SGCZ: variants seen among roughly 807,000 people sequenced by gnomAD.
SGCZ encodes sarcoglycan zeta.
Under a neutral mutation model 41.3 loss-of-function variants are expected in SGCZ, and 40 were observed. The ratio of observed to expected loss-of-function variants is 0.97; its 90% confidence interval spans 0.75 to 1.26. The LOEUF (loss-of-function observed/expected upper bound fraction) is 1.26. Ranked by LOEUF, SGCZ falls within the 50% of genes most tolerant of loss-of-function variation. SGCZ has a pLI of 0.00. For synonymous variants in SGCZ, 206 were observed against 137.5 expected (o/e 1.50, Z -3.49); for missense variants, 552 against 369.8 (o/e 1.49, Z -4.04).
intron 2 of SGCZ, among the ~76,000 whole-genome samples, chr8:14,349,724 A>G (rs1348795762): frequency 6.6e-6 from 1 of 152,148 alleles, no homozygotes; most frequent in Non-Finnish European, 1.5e-5. Context: ...GCTGTGTTAA[A>G]TCTTTGAAAT....
At chr8:14,504,361 C>G (rs2117059018) in intron 2 of SGCZ, among the ~76,000 whole-genome samples, 1 of 152,294 alleles carries the variant, frequency 6.6e-6, no homozygotes, top group African/African-American at 2.4e-5. Flanking sequence ...GATTAGTTAT[C>G]TGCTCCAAAT....
chr8:14,595,400 A>ACACAC (rs1554459945), intron 1 of SGCZ, among the ~76,000 whole-genome samples: 2 of 136,316 alleles, frequency 1.5e-5, no homozygotes, highest in African/African-American at 2.8e-5. Flanking sequence ...AACATGCACA[A>ACACAC]ACACACACAC....
intron 5 of SGCZ, among the ~76,000 whole-genome samples, chr8:14,113,824 G>A: frequency 6.6e-6 from 1 of 152,014 alleles, no homozygotes; most frequent in East Asian, 1.9e-4. Flanking sequence ...AGGATTTACT[G>A]CTTAGCAGTT....
At chr8:14,280,709 T>C (rs1800396645) in intron 3 of SGCZ, among the ~76,000 whole-genome samples, 1 of 151,714 alleles carries the variant, frequency 6.6e-6, no homozygotes. Flanking sequence ...TTTTGGAAAA[T>C]TGACTTTGGA....
intron 3 of SGCZ, among the ~76,000 whole-genome samples, chr8:14,287,261 TTAAAC>T (rs1304518782): frequency 1.3e-5 from 2 of 151,668 alleles, no homozygotes; most frequent in Admixed American, 6.6e-5. Flanking sequence ...ATCAAAAAAA[TTAAAC>T]TAGGAAAAAA....
At chr8:15,129,703 T>C (rs1343252344) in intron 1 of SGCZ, among the ~76,000 whole-genome samples, 2 of 32,780 alleles carry the variant, frequency 6.1e-5, no homozygotes, top group African/African-American at 1.5e-4. Context: ...CAGAGAAGCA[T>C]TTGCAAAAAA....
At chr8:14,252,975 A>T (rs1317764079) in intron 3 of SGCZ, among the ~76,000 whole-genome samples, 1 of 152,190 alleles carries the variant, frequency 6.6e-6, no homozygotes, top group East Asian at 1.9e-4. Context: ...GTGGGATTTT[A>T]TTTCAGAACA....
At chr8:14,306,228 T>C (rs1365654) in intron 3 of SGCZ, among the ~76,000 whole-genome samples, 5,334 of 152,282 alleles carry the variant, frequency 0.035, 141 homozygotes, top group Admixed American at 0.072. Flanking sequence ...AATCTCACCA[T>C]GATTAAAGCA....
At chr8:14,329,701 T>C (rs1802246065) in intron 2 of SGCZ, among the ~76,000 whole-genome samples, 1 of 152,178 alleles carries the variant, frequency 6.6e-6, no homozygotes, top group Non-Finnish European at 1.5e-5. Context: ...CATATTCTTG[T>C]TTAGGGGAAA....
At chr8:14,237,110 T>G (rs1190836934) in intron 4 of SGCZ, among the ~76,000 whole-genome samples, 2 of 152,214 alleles carry the variant, frequency 1.3e-5, no homozygotes, top group Admixed American at 1.3e-4. Context: ...TGTTATCTCA[T>G]GTTTCCTTAA....
At chr8:15,000,285 T>C (rs1165245820) in intron 1 of SGCZ, among the ~76,000 whole-genome samples, 2 of 152,176 alleles carry the variant, frequency 1.3e-5, no homozygotes, top group Non-Finnish European at 2.9e-5. Flanking sequence ...CTACTCAGTC[T>C]TTGTTTCTTT....
intron 1 of SGCZ, among the ~76,000 whole-genome samples, chr8:15,020,178 G>A (rs1803197779): frequency 6.6e-6 from 1 of 152,076 alleles, no homozygotes; most frequent in Non-Finnish European, 1.5e-5. Flanking sequence ...ACTGAGTCAT[G>A]CTACCCCAAA....
chr8:14,967,763 T>C (rs1164578579), intron 1 of SGCZ, among the ~76,000 whole-genome samples: 1 of 152,172 alleles, frequency 6.6e-6, no homozygotes, highest in Non-Finnish European at 1.5e-5. Context: ...TATTTCCATT[T>C]ACTAGAACAG....
chr8:14,584,545 G>A (rs1255700617), intron 1 of SGCZ, among the ~76,000 whole-genome samples: 3 of 152,098 alleles, frequency 2.0e-5, no homozygotes, highest in Admixed American at 6.6e-5. Context: ...GATGAGAAAC[G>A]TGACATGAGG....
chr8:14,383,666 G>C (rs538151897), intron 2 of SGCZ, among the ~76,000 whole-genome samples: 1 of 152,292 alleles, frequency 6.6e-6, no homozygotes, highest in Admixed American at 6.5e-5. Flanking sequence ...ACAAAAAAAT[G>C]TGCTGCAGGT....
At chr8:14,158,796 T>C (rs1374979508) in intron 5 of SGCZ, among the ~76,000 whole-genome samples, 2 of 151,976 alleles carry the variant, frequency 1.3e-5, no homozygotes, top group Non-Finnish European at 2.9e-5. Flanking sequence ...TGAGATGGAG[T>C]CTCAATCTGT....
At chr8:14,453,321 T>C (rs1800651507) in intron 2 of SGCZ, among the ~76,000 whole-genome samples, 1 of 152,160 alleles carries the variant, frequency 6.6e-6, no homozygotes, top group Non-Finnish European at 1.5e-5. Flanking sequence ...TTAAAGTCAA[T>C]AATTTCTTTT....
chr8:14,608,036 G>C (rs1379884432), intron 1 of SGCZ, among the ~76,000 whole-genome samples: 1 of 152,162 alleles, frequency 6.6e-6, no homozygotes, highest in Admixed American at 6.5e-5. Flanking sequence ...AGATTACAAT[G>C]TCACTGTTAA....
chr8:14,414,209 C>T (rs887961846), intron 2 of SGCZ, among the ~76,000 whole-genome samples: 2 of 151,838 alleles, frequency 1.3e-5, no homozygotes, highest in African/African-American at 4.8e-5. Flanking sequence ...CACACACATA[C>T]AGACACGCAC....
Sources: allele counts gnomAD v4.1 joint callset (sites outside exome capture counted in the v4.1 genomes callset), GRCh38; gene constraint gnomAD v4.1.1; transcripts MANE v1.5; gene names NCBI Gene and HGNC (gene_info 2026-07-23, HGNC 2026-07-21).